The following MECOM variants were observed in gnomAD, a reference collection of about 807,000 sequenced individuals.
The protein encoded by MECOM is MDS1 and EVI1 complex locus.
A neutral mutation model predicts 116.3 loss-of-function variants in MECOM; 13 were observed. That is an observed-to-expected ratio of 0.11 (90% CI 0.07 to 0.18). The LOEUF (loss-of-function observed/expected upper bound fraction) is 0.18. MECOM is among the 10% of genes least tolerant of loss of function. The pLI is 1.00. For synonymous variants in MECOM, 528 were observed against 535.2 expected (o/e 0.99, Z 0.19); for missense variants, 1,299 against 1,509.0 (o/e 0.86, Z 2.31).
At chr3:169,598,369 T>G (rs1767394741) in intron 1 of MECOM, among the ~76,000 whole-genome samples, 1 of 152,202 alleles carries the variant, frequency 6.6e-6, no homozygotes, top group Admixed American at 6.5e-5. Flanking sequence ...GTTATAAAAC[T>G]GGCTGAAAAT....
At chr3:169,092,874 C>T (rs756790081) in intron 14 of MECOM, 84 bp downstream of exon 14, 17 of 1,524,868 alleles carry the variant, frequency 1.1e-5, no homozygotes, top group Non-Finnish European at 1.5e-5. Flanking sequence ...AATAGTAGTG[C>T]CACAAAAGTG....
intron 2 of MECOM, chr3:169,146,330 A>G: frequency 2.3e-6 from 3 of 1,300,116 alleles, no homozygotes; most frequent in Admixed American, 2.6e-5. Context: ...GAGCGGCTCC[A>G]AAGTCGCGTG....
Position 169,084,914 on chromosome 3 carries a change from C to A in MECOM, c.3715G>T (p.Val1239Leu). Residue 1239 changes from valine to leucine, a missense_variant, in exon 17 of 17, where the codon GTA becomes TTA. By Grantham distance (32) the Val-to-Leu change is conservative. Transcript: ENST00000651503. ...ESSAIQSISH[V>L] is the part of the protein sequence containing the mutation. ...TCTGGTCAACCTTGATAACGTCATA[C>A]GTGGCTTATGGACTGGATAGCACTG... is the stretch of plus-strand genomic sequence containing the variant. The A allele has an allele frequency of 6.2e-7, 1 of 1,614,022 alleles. No homozygotes were observed. Among genetic ancestry groups the A allele is most frequent in the Non-Finnish European group, 8.5e-7 (1 of 1,179,964 alleles).
chr3:169,371,698 A>C (rs1442683065), intron 2 of MECOM, among the ~76,000 whole-genome samples: 1 of 152,024 alleles, frequency 6.6e-6, no homozygotes, highest in Non-Finnish European at 1.5e-5. Context: ...ATAAAAAATA[A>C]AACAAACACA....
chr3:169,645,866 A>T (rs1323326110), intron 1 of MECOM, among the ~76,000 whole-genome samples: 1 of 152,110 alleles, frequency 6.6e-6, no homozygotes, highest in African/African-American at 2.4e-5. Flanking sequence ...TGGGACTCAC[A>T]TTGCTCTCCA....
At chr3:169,230,517 T>G (rs1753251258) in intron 2 of MECOM, among the ~76,000 whole-genome samples, 2 of 152,186 alleles carry the variant, frequency 1.3e-5, no homozygotes, top group African/African-American at 4.8e-5. Context: ...TGTTATTGAT[T>G]TATTAAAAAG....
At chr3:169,174,868 T>C (rs1346993030) in intron 2 of MECOM, among the ~76,000 whole-genome samples, 1 of 152,160 alleles carries the variant, frequency 6.6e-6, no homozygotes, top group Non-Finnish European at 1.5e-5. Context: ...ACTCATTACA[T>C]AAGAGATCAA....
At chr3:169,655,029 T>A (rs1455738277) in intron 1 of MECOM, among the ~76,000 whole-genome samples, 1 of 152,194 alleles carries the variant, frequency 6.6e-6, no homozygotes, top group Admixed American at 6.5e-5. Flanking sequence ...CAGAATTTTT[T>A]AAAATTGAAT....
intron 2 of MECOM, among the ~76,000 whole-genome samples, chr3:169,166,162 T>C (rs1489067463): frequency 1.3e-5 from 2 of 152,324 alleles, no homozygotes; most frequent in Non-Finnish European, 2.9e-5. Context: ...GCTGACAGAA[T>C]TTATTCTTGA....
chr3:169,587,348 AT>A (rs1355652228), intron 1 of MECOM, among the ~76,000 whole-genome samples: 2 of 151,926 alleles, frequency 1.3e-5, no homozygotes, highest in Non-Finnish European at 2.9e-5. Flanking sequence ...GAACAGTAAC[AT>A]TTTTTGCCAT....
chr3:169,519,399 C>T (rs1436839220), intron 1 of MECOM, among the ~76,000 whole-genome samples: 2 of 152,150 alleles, frequency 1.3e-5, no homozygotes, highest in East Asian at 3.9e-4. Context: ...CATGGAACTA[C>T]TGGCTGAATG....
At position 169,115,416 on chromosome 3, in the gene MECOM, C is replaced by T. The variant is rs1389372005; in HGVS notation, c.2456G>A (p.Arg819Lys). ...PASDGSLQHARPTPFFMDPIY... is the reference protein window; with the variant it reads ...PASDGSLQHAKPTPFFMDPIY... ...AGGGTCCATAAAGAAAGGAGTGGGTCTTGCATGCTGCAAGGAACCATCTGA... is the reference window on the plus strand; with the variant it reads ...AGGGTCCATAAAGAAAGGAGTGGGTTTTGCATGCTGCAAGGAACCATCTGA... The change falls in exon 8 of 17, where the codon AGA becomes AAA. Residue 819 changes from arginine to lysine, a missense_variant. Physicochemically the swap from Arg to Lys is conservative, Grantham distance 26 (BLOSUM62 2). Transcript: ENST00000651503. 1 of 1,614,136 alleles carries T rather than the reference C, an allele frequency of 6.2e-7. No homozygotes were observed. Among genetic ancestry groups the T allele is most frequent in the Non-Finnish European group, 8.5e-7 (1 of 1,180,012 alleles).
intron 1 of MECOM, among the ~76,000 whole-genome samples, chr3:169,631,764 C>G (rs555130001): frequency 6.6e-6 from 1 of 151,956 alleles, no homozygotes; most frequent in East Asian, 1.9e-4. Flanking sequence ...TTTACATTTG[C>G]ACTTATTAGA....
At chr3:169,139,147 G>A (rs1368248169) in intron 3 of MECOM, among the ~76,000 whole-genome samples, 1 of 152,078 alleles carries the variant, frequency 6.6e-6, no homozygotes, top group Non-Finnish European at 1.5e-5. Flanking sequence ...TATTCTCTGA[G>A]GGGCACTCAT....
chr3:169,247,931 TATG>T (rs1341146181), intron 2 of MECOM, among the ~76,000 whole-genome samples: 1 of 152,216 alleles, frequency 6.6e-6, no homozygotes, highest in Non-Finnish European at 1.5e-5. Context: ...TTTGGGTCAA[TATG>T]ATACCAACTA....
At chr3:169,571,691 A>T (rs1373970766) in intron 1 of MECOM, among the ~76,000 whole-genome samples, 2 of 152,204 alleles carry the variant, frequency 1.3e-5, no homozygotes, top group Non-Finnish European at 2.9e-5. Flanking sequence ...AATACCACAC[A>T]TCTACAACCA....
At chr3:169,259,082 T>C (rs10513664) in intron 2 of MECOM, among the ~76,000 whole-genome samples, 9,045 of 152,264 alleles carry the variant, frequency 0.059, 328 homozygotes, top group East Asian at 0.1. Flanking sequence ...CTAGAGCTGA[T>C]GCCATTTTTA....
At chr3:169,367,008 A>C (rs903435709) in intron 2 of MECOM, among the ~76,000 whole-genome samples, 5 of 152,104 alleles carry the variant, frequency 3.3e-5, no homozygotes, top group African/African-American at 9.7e-5. Flanking sequence ...TCTGCTGCGC[A>C]CTGTGCCCCC....
intron 2 of MECOM, among the ~76,000 whole-genome samples, chr3:169,152,967 C>T (rs1032884533): frequency 5.9e-5 from 9 of 152,136 alleles, no homozygotes; most frequent in African/African-American, 2.2e-4. Flanking sequence ...GCTGAAACAA[C>T]CGCTCTGGTG....
Sources: allele counts gnomAD v4.1 joint callset (sites outside exome capture counted in the v4.1 genomes callset), GRCh38; gene constraint gnomAD v4.1.1; transcripts MANE v1.5; gene names NCBI Gene and HGNC (gene_info 2026-07-23, HGNC 2026-07-21).